TSPAN3: variants seen among roughly 807,000 people sequenced by gnomAD.
TSPAN3 encodes the protein tetraspanin-3.
In TSPAN3, 9 loss-of-function variants were observed where a neutral mutation model predicts 31.1. That is an observed-to-expected ratio of 0.29 (90% CI 0.17 to 0.50). The LOEUF (loss-of-function observed/expected upper bound fraction) is 0.50, where lower values mean the gene tolerates loss of function less well. Ranked by LOEUF, TSPAN3 falls within the 20% of genes least tolerant of loss-of-function variation. The probability of loss-of-function intolerance (pLI) is 0.98; values close to 1 mark genes in which losing one functional copy is unlikely to be tolerated. For missense variants in TSPAN3, 252 were observed against 313.5 expected (o/e 0.80, Z 1.48); for synonymous variants, 129 against 114.3 (o/e 1.13, Z -0.82).
At chr15:77,053,077 A>ATGTG in intron 4 of TSPAN3, 148 bp from the exon 5 acceptor site, 1 of 727,544 alleles carries the variant, frequency 1.4e-6, no homozygotes, top group Non-Finnish European at 2.2e-6. Flanking sequence ...CCAATATAGC[A>ATGTG]GCCACTAGCC....
chr15:77,042,604 G>A lies in TSPAN3; in HGVS notation c.*4231C>T, dbSNP rs2076666360. On this transcript the variant is annotated 3_prime_UTR_variant, in exon 7 of 7. Transcript: ENST00000267970. ...TGATGAAGTCGACTTTTGAAAAAATGGGAATCCATAGTGGATATATGAAAA... is the reference window on the plus strand; with the variant it reads ...TGATGAAGTCGACTTTTGAAAAAATAGGAATCCATAGTGGATATATGAAAA... 1 of 152,144 alleles carries A rather than the reference G, an allele frequency of 6.6e-6. No homozygotes were observed. The highest frequency in any genetic ancestry group is 1.5e-5 in the Non-Finnish European group (1 of 68,034). The allele number at this position is 152,144 out of a possible 1,614,324, so 9.4% of individuals were successfully genotyped here. A position where few individuals can be genotyped will look rare whatever the true frequency, so the allele number is the denominator to read the frequency against.
chr15:77,070,511 C>G (rs1272825735), intron 1 of TSPAN3, among the ~76,000 whole-genome samples: 1 of 152,014 alleles, frequency 6.6e-6, no homozygotes, highest in African/African-American at 2.4e-5. Context: ...GAGCCTCTGG[C>G]GAAGATCCTA....
intron 1 of TSPAN3, among the ~76,000 whole-genome samples, chr15:77,070,266 TCA>T (rs1006439747): frequency 5.9e-5 from 9 of 152,192 alleles, no homozygotes; most frequent in Admixed American, 3.3e-4. Flanking sequence ...AGTTATAATC[TCA>T]CAGTTTGGTC....
chr15:77,056,540 G>A (rs2076769972), intron 1 of TSPAN3, among the ~76,000 whole-genome samples: 1 of 152,012 alleles, frequency 6.6e-6, no homozygotes. Context: ...CATCCCTAAA[G>A]GCTTACTGTA....
At chr15:77,055,642 G>A in intron 3 of TSPAN3, 147 bp downstream of exon 3, 1 of 623,808 alleles carries the variant, frequency 1.6e-6, no homozygotes, top group Non-Finnish European at 2.8e-6. Flanking sequence ...GTAAATATTT[G>A]CCAATTAACT....
At chr15:77,062,710 T>C (rs2076807736) in intron 1 of TSPAN3, among the ~76,000 whole-genome samples, 1 of 152,196 alleles carries the variant, frequency 6.6e-6, no homozygotes, top group African/African-American at 2.4e-5. Flanking sequence ...ATCTATCCTT[T>C]AGAAAGTTAG....
rs1428024760 is a variant in TSPAN3, at chr15:77,046,532, C to A, written c.*303G>T. On this transcript the variant is annotated 3_prime_UTR_variant, in exon 7 of 7. Coordinates refer to ENST00000267970, the MANE Select transcript of TSPAN3 (RefSeq NM_005724.6). ...CAGTCCTGTTACCACTTGGAGGTAA[C>A]AGAAGCAGGCTCGTGTCCTCCTTTA... 4.4e-6 allele frequency: 2 copies of A among 452,972 alleles called. No individual in the cohort carries two copies. Among genetic ancestry groups the A allele is most frequent in the East Asian group, 6.5e-5 (2 of 30,830 alleles). The allele number at this position is 452,972 out of a possible 1,614,324, so 28.1% of individuals were successfully genotyped here. A position where few individuals can be genotyped will look rare whatever the true frequency, so the allele number is the denominator to read the frequency against.
In TSPAN3 at chr15:77,051,584, C is replaced by T. The variant is rs2076731312; in HGVS notation, c.669+801G>A. ...AAAGCATAAGCTGGGTGCGGTGGCT[C>T]ACGCCTGTAAATCCCAACACTTTAG... On this transcript the variant is annotated intron_variant, in intron 6 of 6. Transcript: ENST00000267970. 2.6e-5 allele frequency among the ~76,000 whole-genome samples: 4 copies of T among 151,130 alleles called. No individual in the cohort carries two copies. In the South Asian group the frequency reaches 8.4e-4, roughly 32 times the overall value.
At position 77,049,739 on chromosome 15, in the gene TSPAN3, G is replaced by T. The variant is rs946557064; in HGVS notation, c.669+2646C>A. On this transcript the variant is annotated intron_variant, in intron 6 of 6. Transcript: ENST00000267970. The stretch of plus-strand genomic sequence containing the variant: ...GATTATTTAATGGACTAGAGCAAGA[G>T]TCACCAAACATTTTCTTAAAGGGCC... 2.0e-5 allele frequency among the ~76,000 whole-genome samples: 3 copies of T among 152,188 alleles called. No homozygotes were observed. In the South Asian group the frequency reaches 6.2e-4, roughly 32 times the overall value.
At chr15:77,046,950 G>C in intron 6 of TSPAN3, 23 bp from the exon 7 acceptor site, 2 of 1,549,768 alleles carry the variant, frequency 1.3e-6, no homozygotes, top group Non-Finnish European at 1.7e-6. Context: ...AACAACAATG[G>C]GGAAAAAAGG....
chr15:77,067,586 G>C (rs2076841106), intron 1 of TSPAN3: 1 of 152,188 alleles, frequency 6.6e-6, no homozygotes, highest in Non-Finnish European at 1.5e-5. Context: ...CATTTGATAA[G>C]CTCTATGGAG....
At chr15:77,052,146 C>T (rs953269519) in intron 6 of TSPAN3, among the ~76,000 whole-genome samples, 1 of 152,174 alleles carries the variant, frequency 6.6e-6, no homozygotes, top group Non-Finnish European at 1.5e-5. Context: ...GACAGTAAGA[C>T]GAGGAGTTCC....
At chr15:77,053,642 C>T (rs1210068360) in intron 4 of TSPAN3, among the ~76,000 whole-genome samples, 3 of 151,862 alleles carry the variant, frequency 2.0e-5, no homozygotes, top group East Asian at 3.9e-4. Context: ...TTGAGATTTG[C>T]TTTAAGATAA....
Position 77,045,616 on chromosome 15 carries a change from T to C in TSPAN3, c.*1219A>G, listed in dbSNP as rs1265169173. ...TTTTGTTTCACACTCTTGTGTACCA[T>C]CTTTCAACAAAGCCTATCCAGCCTC... On this transcript the variant is annotated 3_prime_UTR_variant, in exon 7 of 7. Transcript: ENST00000267970. 1 of 152,300 alleles carries C rather than the reference T, an allele frequency of 6.6e-6. No homozygotes were observed. The highest frequency in any genetic ancestry group is 2.4e-5 in the African/African-American group (1 of 41,436). 9.4% of individuals were successfully genotyped at this position (152,300 alleles called of 1,614,324 possible).
chr15:77,058,167 A>G (rs1409811047), intron 1 of TSPAN3, among the ~76,000 whole-genome samples: 1 of 152,170 alleles, frequency 6.6e-6, no homozygotes, highest in East Asian at 1.9e-4. Context: ...CTCTCCCTGC[A>G]TCTTAATACA....
Position 77,043,983 on chromosome 15 carries a change from C to T in TSPAN3, c.*2852G>A, listed in dbSNP as rs987252603. The T allele has an allele frequency of 2.6e-5, 4 of 152,076 alleles. No individual in the cohort carries two copies. The highest frequency in any genetic ancestry group is 2.1e-4 in the South Asian group (1 of 4,822). 9.4% of individuals were successfully genotyped at this position (152,076 alleles called of 1,614,324 possible). The stretch of plus-strand genomic sequence containing the variant: ...AACACACATGACAGATAGAATGGGA[C>T]GAAATGTTAATAGGTGTATCTGGGC... On this transcript the variant is annotated 3_prime_UTR_variant, in exon 7 of 7. Coordinates refer to ENST00000267970, the MANE Select transcript of TSPAN3 (RefSeq NM_005724.6).
intron 1 of TSPAN3, 80 bp downstream of exon 1, chr15:77,070,812 A>G (rs1203120321): frequency 1.1e-6 from 1 of 889,548 alleles, no homozygotes; most frequent in South Asian, 4.7e-5. Context: ...CCCAGGCCCA[A>G]GCCCGGCCCC....
rs1568548245 is a variant in TSPAN3 at position 77,070,849 on chromosome 15, C to T, written c.63+43G>A. 3.3e-6 allele frequency: 4 copies of T among 1,221,640 alleles called. No homozygotes were observed. In the South Asian group the frequency reaches 7.5e-5, roughly 23 times the overall value. 75.7% of individuals were successfully genotyped at this position (1,221,640 alleles called of 1,614,324 possible). On this transcript the variant is annotated intron_variant, in intron 1 of 6. Coordinates refer to ENST00000267970, the MANE Select transcript of TSPAN3 (RefSeq NM_005724.6). ...ACGGGCGCCTCCGCCGCGGCCTCGCCCGGCCCCGCCGCCGGCCCCTCGCTC... is the reference window on the plus strand; with the variant it reads ...ACGGGCGCCTCCGCCGCGGCCTCGCTCGGCCCCGCCGCCGGCCCCTCGCTC...
intron 1 of TSPAN3, chr15:77,064,914 A>C (rs1430035007): frequency 6.6e-6 from 1 of 152,260 alleles, no homozygotes; most frequent in Non-Finnish European, 1.5e-5. Context: ...AATGTGTAGG[A>C]TGTGCTGGAA....
Sources: allele counts gnomAD v4.1 joint callset (sites outside exome capture counted in the v4.1 genomes callset), GRCh38; gene constraint gnomAD v4.1.1; transcripts MANE v1.5; gene names NCBI Gene and HGNC (gene_info 2026-07-23, HGNC 2026-07-21).